The following CADM1 variants were observed in gnomAD, a reference collection of about 807,000 sequenced individuals.
CADM1 encodes TSLC-1.
In CADM1, 15 loss-of-function variants were observed where a neutral mutation model predicts 53.1. The observed-to-expected ratio is 0.28, with a 90% CI of 0.19 to 0.44. CADM1 has a LOEUF of 0.44. Ranked by LOEUF, CADM1 falls within the 20% of genes least tolerant of loss-of-function variation. The pLI is 1.00. For missense variants in CADM1, 434 were observed against 611.3 expected, an observed-to-expected ratio of 0.71 and a Z score of 3.06; for synonymous variants, 281 against 243.0, an observed-to-expected ratio of 1.16 and a Z score of -1.45.
chr11:115,198,160 C>T (rs1191350214), intron 9 of CADM1, among the ~76,000 whole-genome samples: 1 of 152,210 alleles, frequency 6.6e-6, no homozygotes, highest in Admixed American at 6.5e-5. Flanking sequence ...GCCACTGAAA[C>T]TCCTACAATT....
chr11:115,350,269 C>T (rs1477299816), intron 1 of CADM1, among the ~76,000 whole-genome samples: 7 of 152,194 alleles, frequency 4.6e-5, no homozygotes, highest in African/African-American at 1.7e-4. Flanking sequence ...CCGCGCCTGA[C>T]CAGCCTTACC....
At chr11:115,256,902 G>C (rs1461040197) in intron 1 of CADM1, 3 of 455,940 alleles carry the variant, frequency 6.6e-6, no homozygotes, top group Non-Finnish European at 8.8e-6. Context: ...GGGTTACTAA[G>C]TGCAGTTTCA....
At chr11:115,190,841 C>G in intron 10 of CADM1, 47 bp downstream of exon 10, 1 of 1,500,828 alleles carries the variant, frequency 6.7e-7, no homozygotes, top group Non-Finnish European at 9.1e-7. Context: ...GGATAGAGCA[C>G]CCACAGGTTG....
chr11:115,262,927 T>C (rs72994085), intron 1 of CADM1, among the ~76,000 whole-genome samples: 12,107 of 152,252 alleles, frequency 0.08, 685 homozygotes, highest in Middle Eastern at 0.12. Flanking sequence ...TATTTAGCTG[T>C]GGTACAGTTA....
intron 10 of CADM1, among the ~76,000 whole-genome samples, chr11:115,180,398 G>A (rs1044654468): frequency 2.6e-5 from 4 of 152,174 alleles, no homozygotes; most frequent in African/African-American, 9.7e-5. Context: ...AGGACAACAG[G>A]ATGATGGGAG....
chr11:115,307,151 T>C (rs1039092093), intron 1 of CADM1, among the ~76,000 whole-genome samples: 1 of 151,976 alleles, frequency 6.6e-6, no homozygotes, highest in Non-Finnish European at 1.5e-5. Context: ...TGGATTTCCA[T>C]ATTTGAGGGC....
In CADM1 at chr11:115,176,420, C is replaced by G. The variant is rs1939031776; in HGVS notation, c.*54G>C. On this transcript the variant is annotated 3_prime_UTR_variant, in exon 12 of 12. Coordinates refer to ENST00000331581, the MANE Select transcript of CADM1 (RefSeq NM_001301043.2). ...CTCGCAAGTTCCAATATCACTGTCTCTTTATCATCTAAATAGGGCCAGTTG... is the reference window on the plus strand; with the variant it reads ...CTCGCAAGTTCCAATATCACTGTCTGTTTATCATCTAAATAGGGCCAGTTG... 6.2e-7 allele frequency: 1 copy of G among 1,609,338 alleles called. No individual in the cohort carries two copies. Among genetic ancestry groups the G allele is most frequent in the Admixed American group, 1.7e-5 (1 of 59,854 alleles).
intron 1 of CADM1, among the ~76,000 whole-genome samples, chr11:115,496,907 T>TG (rs1949631418): frequency 1.3e-5 from 2 of 152,164 alleles, no homozygotes; most frequent in Non-Finnish European, 2.9e-5. Flanking sequence ...TGCAAAAAGA[T>TG]TAAAGGTTCA....
At chr11:115,258,001 T>C (rs933719460) in intron 1 of CADM1, among the ~76,000 whole-genome samples, 3 of 152,310 alleles carry the variant, frequency 2.0e-5, no homozygotes, top group Middle Eastern at 3.4e-3. Flanking sequence ...GTAATCTAAT[T>C]GAATCCTTTA....
intron 1 of CADM1, among the ~76,000 whole-genome samples, chr11:115,456,232 T>G (rs776374796): frequency 2.8e-4 from 42 of 152,118 alleles, no homozygotes; most frequent in Non-Finnish European, 3.7e-4. Context: ...GGCAATTACT[T>G]GCATACTTAC....
intron 1 of CADM1, among the ~76,000 whole-genome samples, chr11:115,249,571 A>C (rs1438620433): frequency 6.6e-6 from 1 of 152,226 alleles, no homozygotes; most frequent in African/African-American, 2.4e-5. Flanking sequence ...ACTGGATTAA[A>C]ACTCAAAACA....
chr11:115,265,987 C>T (rs567490718), intron 1 of CADM1, among the ~76,000 whole-genome samples: 5 of 152,294 alleles, frequency 3.3e-5, no homozygotes, highest in East Asian at 3.9e-4. Flanking sequence ...GGTGTCCTTT[C>T]GGGTTGAATG....
At chr11:115,291,778 T>C (rs903601743) in intron 1 of CADM1, among the ~76,000 whole-genome samples, 2 of 151,514 alleles carry the variant, frequency 1.3e-5, no homozygotes, top group African/African-American at 4.9e-5. Context: ...CAGGGTTTAG[T>C]ATACAGTACT....
In CADM1 at chr11:115,481,207, C is replaced by T. The variant is rs314510; in HGVS notation, c.124+23064G>A. 6.4e-3 allele frequency among the ~76,000 whole-genome samples: 978 copies of T among 152,264 alleles called. 6 individuals are homozygous for T. The highest frequency in any genetic ancestry group is 0.015 in the African/African-American group (612 of 41,536). On this transcript the variant is annotated intron_variant, in intron 1 of 11. Transcript: ENST00000331581. ...CTATTCTGCACTTCCATTTGCTCCA[C>T]GCATTGCCATCTGGTTCCCACACTC...
chr11:115,409,472 TGAGAAAC>T (rs1947403923), intron 1 of CADM1, among the ~76,000 whole-genome samples: 1 of 152,186 alleles, frequency 6.6e-6, no homozygotes, highest in Admixed American at 6.5e-5. Context: ...AAAGGAATGT[TGAGAAAC>T]AATCTTCATT....
At chr11:115,393,044 C>G (rs1251410041) in intron 1 of CADM1, among the ~76,000 whole-genome samples, 2 of 101,874 alleles carry the variant, frequency 2.0e-5, no homozygotes, top group African/African-American at 7.9e-5. Flanking sequence ...GCCTGGGCAA[C>G]ATAGCGAGAC....
At chr11:115,400,595 C>CATA (rs1947116800) in intron 1 of CADM1, among the ~76,000 whole-genome samples, 1 of 134,156 alleles carries the variant, frequency 7.5e-6, no homozygotes, top group African/African-American at 2.9e-5. Flanking sequence ...ATATATATCT[C>CATA]TCATATATAT....
chr11:115,358,251 T>C (rs1291941844), intron 1 of CADM1, among the ~76,000 whole-genome samples: 9 of 152,192 alleles, frequency 5.9e-5, no homozygotes, highest in Admixed American at 5.2e-4. Flanking sequence ...AATAATTGTA[T>C]AGAAAAAGAT....
At chr11:115,312,383 T>G (rs1055779351) in intron 1 of CADM1, among the ~76,000 whole-genome samples, 1 of 152,130 alleles carries the variant, frequency 6.6e-6, no homozygotes, top group South Asian at 2.1e-4. Context: ...AATTCTACAC[T>G]GAAGCATCTC....
Sources: allele counts gnomAD v4.1 joint callset (sites outside exome capture counted in the v4.1 genomes callset), GRCh38; gene constraint gnomAD v4.1.1; transcripts MANE v1.5; gene names NCBI Gene and HGNC (gene_info 2026-07-23, HGNC 2026-07-21).